CACNA1A: variants seen among roughly 807,000 people sequenced by gnomAD.
The protein encoded by CACNA1A is voltage-dependent P/Q-type calcium channel subunit alpha-1A.
A neutral mutation model predicts 262.4 loss-of-function variants in CACNA1A; 57 were observed. That is an observed-to-expected ratio of 0.22 (90% CI 0.18 to 0.27). The LOEUF (loss-of-function observed/expected upper bound fraction) is 0.27. CACNA1A is among the 10% of genes least tolerant of loss of function. CACNA1A has a pLI of 1.00. For synonymous variants in CACNA1A, 1,431 were observed against 1,419.3 expected (o/e 1.01, Z -0.18); for missense variants, 2,526 against 3,562.8 (o/e 0.71, Z 7.41).
intron 10 of CACNA1A, among the ~76,000 whole-genome samples, chr19:13,328,212 A>G (rs912963720): frequency 3.3e-5 from 5 of 152,244 alleles, no homozygotes; most frequent in Non-Finnish European, 7.3e-5. Context: ...GTCATAAAAC[A>G]GATTTTAAAC....
intron 3 of CACNA1A, among the ~76,000 whole-genome samples, chr19:13,392,575 A>G (rs2059728670): frequency 6.6e-6 from 1 of 152,258 alleles, no homozygotes; most frequent in African/African-American, 2.4e-5. Context: ...GAGGCACTCC[A>G]GGAGCAAAAT....
At chr19:13,253,705 A>G (rs1465280473) in intron 29 of CACNA1A, among the ~76,000 whole-genome samples, 1 of 150,638 alleles carries the variant, frequency 6.6e-6, no homozygotes, top group Non-Finnish European at 1.5e-5. Context: ...CGGCCTCCCA[A>G]AGTGCTGGGA....
At chr19:13,403,188 T>TA (rs2144703667) in intron 3 of CACNA1A, among the ~76,000 whole-genome samples, 1 of 151,748 alleles carries the variant, frequency 6.6e-6, no homozygotes, top group Non-Finnish European at 1.5e-5. Flanking sequence ...CACTACCTCA[T>TA]AAGAACCAGA....
chr19:13,208,753 C>A lies in CACNA1A; in HGVS notation c.6780+3G>T. 6.4e-7 allele frequency: 1 copy of A among 1,573,812 alleles called. No homozygotes were observed. The highest frequency in any genetic ancestry group is 2.3e-5 in the East Asian group (1 of 43,952). Reference sequence around the variant, plus strand: ...GCCTGGGGTCACTTGCAGCCGCACCCACCTGCCGGTGCGCCATGTGCTCTC... The same window carrying A: ...GCCTGGGGTCACTTGCAGCCGCACCAACCTGCCGGTGCGCCATGTGCTCTC... On this transcript the variant is annotated splice_donor_region_variant and intron_variant, in intron 46 of 46. Transcript: ENST00000360228.
intron 22 of CACNA1A, among the ~76,000 whole-genome samples, chr19:13,282,934 G>C (rs1239387318): frequency 6.6e-6 from 1 of 152,098 alleles, no homozygotes; most frequent in African/African-American, 2.4e-5. Flanking sequence ...CACCGCCCCT[G>C]CCCCAGTAAC....
intron 3 of CACNA1A, among the ~76,000 whole-genome samples, chr19:13,437,093 G>A (rs1326749071): frequency 6.6e-6 from 1 of 152,192 alleles, no homozygotes; most frequent in East Asian, 1.9e-4. Context: ...CACAGCATGT[G>A]CAAAGTCCCT....
At chr19:13,233,552 A>C (rs181018780) in intron 34 of CACNA1A, among the ~76,000 whole-genome samples, 50 of 152,240 alleles carry the variant, frequency 3.3e-4, no homozygotes, top group Middle Eastern at 3.4e-3. Context: ...CAGTGGCACA[A>C]TCATAGCTTA....
intron 40 of CACNA1A, chr19:13,213,909 C>T (rs2054907315): frequency 3.6e-6 from 1 of 281,570 alleles, no homozygotes; most frequent in East Asian, 8.0e-5. Flanking sequence ...TGGTCTCCCA[C>T]TCCTGGCCTC....
intron 1 of CACNA1A, among the ~76,000 whole-genome samples, chr19:13,467,238 G>C (rs2061262923): frequency 6.6e-6 from 1 of 152,010 alleles, no homozygotes; most frequent in Admixed American, 6.6e-5. Context: ...CCTTCTAAAT[G>C]ACACACTACA....
chr19:13,318,888 A>ATTTTTTTTTTTTTTTTTTTTTTT (rs1600317762), intron 10 of CACNA1A, among the ~76,000 whole-genome samples: 9 of 94,676 alleles, frequency 9.5e-5, no homozygotes, highest in Non-Finnish European at 1.4e-4. Flanking sequence ...TCTAAAATAC[A>ATTTTTTTTTTTTTTTTTTTTTTT]TCTTTTTTTT....
At position 13,261,434 on chromosome 19, in the gene CACNA1A, G is replaced by C. The variant is rs768639972; in HGVS notation, c.4250+16C>G. The C allele has an allele frequency of 1.9e-6, 3 of 1,557,692 alleles. No individual in the cohort carries two copies. Among genetic ancestry groups the C allele is most frequent in the Non-Finnish European group, 2.6e-6 (3 of 1,149,556 alleles). On this transcript the variant is annotated intron_variant, in intron 26 of 46. Coordinates refer to ENST00000360228, the MANE Select transcript of CACNA1A (RefSeq NM_001127222.2). ...TGCTGGTTCCAATGGGAATGTGCTGGAAAGTGGAGACCCACCGACAATCTT... is the reference window on the plus strand; with the variant it reads ...TGCTGGTTCCAATGGGAATGTGCTGCAAAGTGGAGACCCACCGACAATCTT...
intron 1 of CACNA1A, among the ~76,000 whole-genome samples, chr19:13,490,660 G>T (rs1980656847): frequency 7.8e-6 from 1 of 128,156 alleles, no homozygotes; most frequent in African/African-American, 3.0e-5. Context: ...GAAGGAGAAA[G>T]AAGGAAAGAA....
rs544303017 is a variant in CACNA1A, at chr19:13,347,960, A to G, written c.978+11646T>C. Among the ~76,000 whole-genome samples the G allele has an allele frequency of 2.0e-5, 3 of 152,088 alleles. No individual in the cohort carries two copies. In the South Asian group the frequency reaches 6.2e-4, roughly 32 times the overall value. ...TTTTGAGACAGGGTCTGGTTCTGTC[A>G]CCCAGGCTGGAGTGCAGGGGTGTAA... is the stretch of plus-strand genomic sequence containing the variant. On this transcript the variant is annotated intron_variant, in intron 6 of 46. Coordinates refer to ENST00000360228, the MANE Select transcript of CACNA1A (RefSeq NM_001127222.2).
intron 12 of CACNA1A, among the ~76,000 whole-genome samples, chr19:13,310,474 A>AT (rs1388291481): frequency 6.4e-5 from 3 of 47,070 alleles, no homozygotes; most frequent in African/African-American, 3.3e-4. Flanking sequence ...AAAAAAAAAA[A>AT]AAAAAAAAAA....
chr19:13,261,183 G>T, intron 26 of CACNA1A: 1 of 373,672 alleles, frequency 2.7e-6, no homozygotes, highest in Non-Finnish European at 4.8e-6. Context: ...AAGGAACTGT[G>T]GATGTGTATT....
intron 29 of CACNA1A, among the ~76,000 whole-genome samples, chr19:13,253,488 C>T (rs1403841072): frequency 1.4e-5 from 2 of 147,966 alleles, no homozygotes; most frequent in East Asian, 2.0e-4. Flanking sequence ...CTCTGTCACC[C>T]GGGCTGGAGT....
chr19:13,490,401 G>A (rs775307735), intron 1 of CACNA1A, among the ~76,000 whole-genome samples: 7 of 152,098 alleles, frequency 4.6e-5, no homozygotes, highest in Non-Finnish European at 1.5e-5. Flanking sequence ...TCAAGAGGTC[G>A]AGACCAGCTT....
chr19:13,222,631 A>G (rs1351692705), intron 38 of CACNA1A, among the ~76,000 whole-genome samples: 1 of 150,246 alleles, frequency 6.7e-6, no homozygotes, highest in African/African-American at 2.5e-5. Flanking sequence ...TCTTGACCTC[A>G]TGATCTGCCC....
intron 31 of CACNA1A, among the ~76,000 whole-genome samples, chr19:13,237,717 A>C (rs1053694087): frequency 6.6e-6 from 1 of 152,158 alleles, no homozygotes; most frequent in Non-Finnish European, 1.5e-5. Flanking sequence ...TGCCTCGAAC[A>C]AGCCCCAAAC....
Sources: allele counts gnomAD v4.1 joint callset (sites outside exome capture counted in the v4.1 genomes callset), GRCh38; gene constraint gnomAD v4.1.1; transcripts MANE v1.5; gene names NCBI Gene and HGNC (gene_info 2026-07-23, HGNC 2026-07-21).